Variants in SORCS1 observed in about 807,000 individuals in gnomAD.
SORCS1 encodes the protein sortilin related VPS10 domain containing receptor 1, also known as VPS10 domain-containing receptor SorCS1.
SORCS1 carries 60 observed loss-of-function variants against 146.1 expected under a neutral mutation model. The ratio of observed to expected loss-of-function variants is 0.41; its 90% confidence interval spans 0.33 to 0.51. The LOEUF (loss-of-function observed/expected upper bound fraction) is 0.51, where lower values mean the gene tolerates loss of function less well. Among genes scored for constraint, SORCS1 ranks in the 20% least tolerant of loss-of-function variants. The pLI is 0.21. For synonymous variants in SORCS1, 637 were observed against 584.0 expected, an observed-to-expected ratio of 1.09 and a Z score of -1.31; for missense variants, 1,352 against 1,487.6, an observed-to-expected ratio of 0.91 and a Z score of 1.50.
In SORCS1 at chr10:106,833,134, G is replaced by A. The variant is rs577511918; in HGVS notation, c.627-3461C>T. Among the ~76,000 whole-genome samples the A allele has an allele frequency of 2.0e-5, 3 of 152,042 alleles. No individual in the cohort carries two copies. The East Asian group carries it at 5.8e-4, about 29-fold the overall frequency. Reference sequence around the variant, plus strand: ...TTCAGAAAGCTTACACTATATTATTGGACATTTTTATCTTATTGTAACATA... The same window carrying A: ...TTCAGAAAGCTTACACTATATTATTAGACATTTTTATCTTATTGTAACATA... On this transcript the variant is annotated intron_variant, in intron 2 of 25. Coordinates refer to ENST00000263054, the MANE Select transcript of SORCS1 (RefSeq NM_052918.5).
At chr10:106,959,508 G>T (rs1439057358) in intron 1 of SORCS1, among the ~76,000 whole-genome samples, 1 of 152,104 alleles carries the variant, frequency 6.6e-6, no homozygotes, top group Non-Finnish European at 1.5e-5. Context: ...TTCTGTGACA[G>T]CAATACTATT....
intron 1 of SORCS1, among the ~76,000 whole-genome samples, chr10:107,035,567 G>A (rs773520240): frequency 2.6e-5 from 4 of 152,094 alleles, no homozygotes; most frequent in Admixed American, 6.6e-5. Context: ...TAAATCATCT[G>A]GAGCTCCACG....
At chr10:106,708,960 C>T (rs1039610452) in intron 7 of SORCS1, among the ~76,000 whole-genome samples, 4 of 152,156 alleles carry the variant, frequency 2.6e-5, no homozygotes, top group African/African-American at 4.8e-5. Context: ...CTACTCTGTG[C>T]GATGCCTTCA....
At chr10:106,792,451 C>T (rs1350658751) in intron 3 of SORCS1, among the ~76,000 whole-genome samples, 1 of 152,200 alleles carries the variant, frequency 6.6e-6, no homozygotes, top group Non-Finnish European at 1.5e-5. Context: ...AAGCATTACA[C>T]AGCGCTTTAC....
At chr10:106,676,919 C>G (rs1459162174) in intron 13 of SORCS1, among the ~76,000 whole-genome samples, 1 of 152,184 alleles carries the variant, frequency 6.6e-6, no homozygotes, top group African/African-American at 2.4e-5. Flanking sequence ...ACTTACCCAT[C>G]ATGATTGCCT....
chr10:106,950,876 A>G (rs898511914), intron 2 of SORCS1, among the ~76,000 whole-genome samples: 1 of 152,182 alleles, frequency 6.6e-6, no homozygotes, highest in African/African-American at 2.4e-5. Context: ...ATCATGCCAG[A>G]CACACAGTGA....
chr10:106,706,416 G>T, intron 8 of SORCS1, 129 bp downstream of exon 8: 3 of 871,600 alleles, frequency 3.4e-6, no homozygotes, highest in Non-Finnish European at 5.4e-6. Context: ...GCAAACTTGG[G>T]AAACAGAGAT....
chr10:107,086,645 T>C (rs931069441), intron 1 of SORCS1, among the ~76,000 whole-genome samples: 1 of 152,196 alleles, frequency 6.6e-6, no homozygotes, highest in African/African-American at 2.4e-5. Context: ...AACACATACA[T>C]CATATAGCCA....
Position 106,574,680 on chromosome 10 carries a change from G to A in SORCS1, c.*2740C>T, listed in dbSNP as rs1383067778. 2.0e-5 allele frequency: 3 copies of A among 152,126 alleles called. No homozygotes were observed. The highest frequency in any genetic ancestry group is 2.9e-5 in the Non-Finnish European group (2 of 68,026). 9.4% of individuals were successfully genotyped at this position (152,126 alleles called of 1,614,324 possible). A position where few individuals can be genotyped will look rare whatever the true frequency, so the allele number is the denominator to read the frequency against. ...GATCCAGAATCTGGATCTCTAACTAGCCCAAGTGATAGTGATACTGCTGAT... is the reference window on the plus strand; with the variant it reads ...GATCCAGAATCTGGATCTCTAACTAACCCAAGTGATAGTGATACTGCTGAT... On this transcript the variant is annotated 3_prime_UTR_variant, in exon 26 of 26. Coordinates refer to ENST00000263054, the MANE Select transcript of SORCS1 (RefSeq NM_052918.5).
intron 5 of SORCS1, among the ~76,000 whole-genome samples, chr10:106,758,175 T>C (rs113088946): frequency 4.9e-4 from 75 of 152,310 alleles, no homozygotes; most frequent in African/African-American, 1.7e-3. Context: ...AGCTTTCACA[T>C]AGAAGATTCC....
chr10:106,940,489 C>A (rs540285083), intron 2 of SORCS1, among the ~76,000 whole-genome samples: 2 of 152,304 alleles, frequency 1.3e-5, no homozygotes, highest in African/African-American at 4.8e-5. Context: ...ACAATTCAAA[C>A]CAATACATTC....
intron 25 of SORCS1, chr10:106,578,944 G>A: frequency 4.9e-6 from 7 of 1,431,462 alleles, no homozygotes; most frequent in Non-Finnish European, 5.5e-6. Flanking sequence ...CCCAATCAGA[G>A]GAAGCAGGGA....
At chr10:107,013,273 T>A (rs1957760106) in intron 1 of SORCS1, among the ~76,000 whole-genome samples, 1 of 152,056 alleles carries the variant, frequency 6.6e-6, no homozygotes, top group African/African-American at 2.4e-5. Flanking sequence ...GTAATGTGGG[T>A]CACATTTAAC....
chr10:107,033,257 C>T (rs973583998), intron 1 of SORCS1, among the ~76,000 whole-genome samples: 4 of 152,154 alleles, frequency 2.6e-5, no homozygotes, highest in Admixed American at 2.0e-4. Context: ...ACGAGAACAG[C>T]AAAGGGGAAC....
chr10:106,793,221 C>T (rs1426070643), intron 3 of SORCS1, among the ~76,000 whole-genome samples: 3 of 152,114 alleles, frequency 2.0e-5, no homozygotes, highest in African/African-American at 7.2e-5. Context: ...CACAGAATAC[C>T]TGACACCAAA....
At chr10:106,851,842 T>G (rs560534931) in intron 2 of SORCS1, among the ~76,000 whole-genome samples, 2 of 152,362 alleles carry the variant, frequency 1.3e-5, no homozygotes, top group South Asian at 4.1e-4. Flanking sequence ...ATATGGAATA[T>G]CTTTTCATTT....
intron 2 of SORCS1, among the ~76,000 whole-genome samples, chr10:106,899,203 C>A (rs1057109477): frequency 1.3e-5 from 2 of 152,218 alleles, no homozygotes; most frequent in African/African-American, 4.8e-5. Flanking sequence ...CTGTCAGTCA[C>A]ATGAACCCAA....
chr10:106,766,121 G>A (rs969602097), intron 4 of SORCS1, among the ~76,000 whole-genome samples: 9 of 152,266 alleles, frequency 5.9e-5, no homozygotes, highest in Admixed American at 2.0e-4. Context: ...CTTAGGAGGC[G>A]CCTGTGTTGG....
At chr10:106,926,875 AG>A (rs879601705) in intron 2 of SORCS1, among the ~76,000 whole-genome samples, 7,527 of 126,818 alleles carry the variant, frequency 0.059, 254 homozygotes, top group Non-Finnish European at 0.085. Flanking sequence ...ACAGAGAGAG[AG>A]AGAGAGAGAG....
Sources: allele counts gnomAD v4.1 joint callset (sites outside exome capture counted in the v4.1 genomes callset), GRCh38; gene constraint gnomAD v4.1.1; transcripts MANE v1.5; gene names NCBI Gene and HGNC (gene_info 2026-07-23, HGNC 2026-07-21).